EXOC4: variants seen among roughly 807,000 people sequenced by gnomAD.
EXOC4 encodes the protein SEC8-like 1.
EXOC4 carries 71 observed loss-of-function variants against 107.2 expected under a neutral mutation model. The observed-to-expected ratio is 0.66, with a 90% confidence interval of 0.55 to 0.81. The LOEUF is 0.81. EXOC4 is among the 30% of genes least tolerant of loss of function. The pLI, the probability that EXOC4 is intolerant of heterozygous loss-of-function variation, is 0.00. For synonymous variants in EXOC4, 456 were observed against 441.2 expected (o/e 1.03, Z -0.42); for missense variants, 1,108 against 1,189.6 (o/e 0.93, Z 1.01).
At chr7:134,050,233 G>T (rs1795753463) in intron 17 of EXOC4, among the ~76,000 whole-genome samples, 1 of 152,164 alleles carries the variant, frequency 6.6e-6, no homozygotes, top group African/African-American at 2.4e-5. Flanking sequence ...TACGCTATAT[G>T]CTTATTTTGT....
intron 11 of EXOC4, among the ~76,000 whole-genome samples, chr7:133,853,294 G>A (rs943931458): frequency 2.8e-5 from 4 of 142,230 alleles, no homozygotes; most frequent in South Asian, 2.3e-4. Flanking sequence ...TCTGTCCCTC[G>A]CCCTCTCTTT....
chr7:134,007,043 G>C (rs1585316952), intron 16 of EXOC4, among the ~76,000 whole-genome samples: 1 of 152,134 alleles, frequency 6.6e-6, no homozygotes, highest in East Asian at 1.9e-4. Context: ...TGTATGATCT[G>C]CTTTTCCTTC....
At chr7:133,800,540 A>G (rs1796917132) in intron 10 of EXOC4, among the ~76,000 whole-genome samples, 1 of 152,206 alleles carries the variant, frequency 6.6e-6, no homozygotes, top group Non-Finnish European at 1.5e-5. Context: ...GTCCTCATAA[A>G]GTAGTATTAA....
At chr7:134,026,337 C>T (rs1048278897) in intron 17 of EXOC4, among the ~76,000 whole-genome samples, 3 of 151,612 alleles carry the variant, frequency 2.0e-5, no homozygotes, top group Non-Finnish European at 1.5e-5. Context: ...CCAGAATCCA[C>T]GGAAGGACTC....
chr7:133,317,467 G>A, intron 5 of EXOC4, 77 bp downstream of exon 5: 1 of 1,046,472 alleles, frequency 9.6e-7, no homozygotes. Flanking sequence ...GGAGCTTTTT[G>A]GGGGCTGAGC....
intron 17 of EXOC4, among the ~76,000 whole-genome samples, chr7:134,063,470 C>T (rs182623095): frequency 6.6e-6 from 1 of 152,172 alleles, no homozygotes; most frequent in African/African-American, 2.4e-5. Context: ...TGGTCAGTCC[C>T]TGTCTTTGTG....
At chr7:133,437,983 A>G (rs768783921) in intron 7 of EXOC4, among the ~76,000 whole-genome samples, 2 of 152,140 alleles carry the variant, frequency 1.3e-5, no homozygotes, top group Admixed American at 6.5e-5. Flanking sequence ...TAATTTTAAA[A>G]GCTCCTCTTC....
intron 14 of EXOC4, among the ~76,000 whole-genome samples, chr7:133,943,714 A>G (rs575568523): frequency 6.6e-6 from 1 of 152,318 alleles, no homozygotes; most frequent in South Asian, 2.1e-4. Flanking sequence ...GCAAATTTGC[A>G]TACCATCAGA....
At chr7:133,666,115 C>T (rs1371101736) in intron 10 of EXOC4, among the ~76,000 whole-genome samples, 1 of 152,010 alleles carries the variant, frequency 6.6e-6, no homozygotes, top group Non-Finnish European at 1.5e-5. Flanking sequence ...ATAAATTTCC[C>T]CTGTTACAGT....
At chr7:133,660,579 G>A (rs1803416698) in intron 10 of EXOC4, among the ~76,000 whole-genome samples, 1 of 152,144 alleles carries the variant, frequency 6.6e-6, no homozygotes, top group Admixed American at 6.5e-5. Context: ...ATTCCATACT[G>A]AATTGTCTTA....
intron 10 of EXOC4, among the ~76,000 whole-genome samples, chr7:133,769,506 C>G (rs563733022): frequency 6.6e-6 from 1 of 151,852 alleles, no homozygotes; most frequent in East Asian, 1.9e-4. Flanking sequence ...TATTCCAATT[C>G]TAAGGTCTGT....
chr7:133,848,053 C>T (rs2116236235), intron 11 of EXOC4, among the ~76,000 whole-genome samples: 1 of 151,988 alleles, frequency 6.6e-6, no homozygotes, highest in East Asian at 1.9e-4. Flanking sequence ...TAATTCCTCA[C>T]AGCTATCCCA....
chr7:134,017,658 A>C (rs1170575221), intron 17 of EXOC4, among the ~76,000 whole-genome samples: 1 of 152,102 alleles, frequency 6.6e-6, no homozygotes, highest in Non-Finnish European at 1.5e-5. Context: ...TTAATCATTT[A>C]ATTAGGACTC....
chr7:133,647,315 A>G (rs925802638), intron 10 of EXOC4, among the ~76,000 whole-genome samples: 11 of 152,208 alleles, frequency 7.2e-5, no homozygotes, highest in African/African-American at 2.4e-4. Context: ...TTGCGTATGT[A>G]TTGCAAAGGT....
intron 10 of EXOC4, among the ~76,000 whole-genome samples, chr7:133,685,150 A>G (rs1413157736): frequency 6.6e-6 from 1 of 152,160 alleles, no homozygotes; most frequent in Non-Finnish European, 1.5e-5. Flanking sequence ...GTCAGCAGAA[A>G]CAATAAGCAG....
intron 17 of EXOC4, among the ~76,000 whole-genome samples, chr7:134,038,411 T>G (rs1195329160): frequency 6.6e-6 from 1 of 152,194 alleles, no homozygotes; most frequent in Non-Finnish European, 1.5e-5. Flanking sequence ...ATACTTAACA[T>G]TTATGTTCTT....
At chr7:133,582,196 T>A (rs779637000) in intron 9 of EXOC4, among the ~76,000 whole-genome samples, 8 of 152,180 alleles carry the variant, frequency 5.3e-5, no homozygotes, top group Non-Finnish European at 1.0e-4. Flanking sequence ...ACTCAGTGTT[T>A]AGCTCCCACT....
intron 11 of EXOC4, among the ~76,000 whole-genome samples, chr7:133,864,862 C>G (rs958413323): frequency 2.0e-5 from 3 of 152,126 alleles, no homozygotes; most frequent in Non-Finnish European, 4.4e-5. Context: ...GCATGGACAC[C>G]TTTGTCCCCA....
intron 9 of EXOC4, among the ~76,000 whole-genome samples, chr7:133,571,277 A>C (rs557717344): frequency 1.3e-5 from 2 of 152,310 alleles, no homozygotes; most frequent in South Asian, 4.1e-4. Context: ...CATCAGACAG[A>C]AGGGAGCCAG....
Sources: allele counts gnomAD v4.1 joint callset (sites outside exome capture counted in the v4.1 genomes callset), GRCh38; gene constraint gnomAD v4.1.1; transcripts MANE v1.5; gene names NCBI Gene and HGNC (gene_info 2026-07-23, HGNC 2026-07-21).